The following SUMF1 variants were observed in gnomAD, a reference collection of about 807,000 sequenced individuals.
SUMF1 encodes the protein formylglycine-generating enzyme.
A neutral mutation model predicts 47.6 loss-of-function variants in SUMF1; 48 were observed. The ratio of observed to expected loss-of-function variants is 1.01; its 90% CI spans 0.80 to 1.28. SUMF1 has a LOEUF of 1.28. Among genes scored for constraint, SUMF1 ranks in the 50% most tolerant of loss-of-function variants. The pLI, the probability that SUMF1 is intolerant of heterozygous loss-of-function variation, is 0.00. For synonymous variants in SUMF1, 230 were observed against 192.1 expected (o/e 1.20, Z -1.63); for missense variants, 571 against 485.4 (o/e 1.18, Z -1.66).
chr3:4,238,059 C>A (rs1210713695), intron 8 of SUMF1, among the ~76,000 whole-genome samples: 1 of 151,926 alleles, frequency 6.6e-6, no homozygotes, highest in Non-Finnish European at 1.5e-5. Context: ...TGTTAGTTTG[C>A]TGAGAATGGT....
chr3:4,124,835 C>A (rs1359708690), intron 8 of SUMF1, among the ~76,000 whole-genome samples: 1 of 151,672 alleles, frequency 6.6e-6, no homozygotes, highest in African/African-American at 2.4e-5. Flanking sequence ...AAAATTTTTA[C>A]TGCTTGACCA....
intron 7 of SUMF1, among the ~76,000 whole-genome samples, chr3:4,394,156 T>C (rs912551747): frequency 1.2e-4 from 18 of 152,212 alleles, no homozygotes; most frequent in African/African-American, 4.3e-4. Context: ...GCTTTTACAG[T>C]CACATACTGA....
At chr3:4,088,702 C>T (rs1308049971) in intron 8 of SUMF1, among the ~76,000 whole-genome samples, 1 of 152,056 alleles carries the variant, frequency 6.6e-6, no homozygotes, top group African/African-American at 2.4e-5. Context: ...TAGGATGGAG[C>T]CTGACATATA....
At chr3:4,084,948 G>C (rs887701322) in intron 8 of SUMF1, among the ~76,000 whole-genome samples, 1 of 151,984 alleles carries the variant, frequency 6.6e-6, no homozygotes, top group Non-Finnish European at 1.5e-5. Flanking sequence ...GAATCTTCCA[G>C]TGACTACAAG....
intron 8 of SUMF1, among the ~76,000 whole-genome samples, chr3:4,208,579 G>A (rs182867442): frequency 5.1e-4 from 78 of 151,690 alleles, no homozygotes; most frequent in Non-Finnish European, 1.0e-3. Flanking sequence ...CAATTAATAT[G>A]CTAAGGTTAA....
At chr3:4,404,117 T>G (rs1186616861) in intron 7 of SUMF1, among the ~76,000 whole-genome samples, 2 of 152,188 alleles carry the variant, frequency 1.3e-5, no homozygotes, top group Non-Finnish European at 2.9e-5. Context: ...AACCATACAT[T>G]TGAGTTTATT....
chr3:4,131,276 A>G (rs1037870288), intron 8 of SUMF1, among the ~76,000 whole-genome samples: 2 of 152,186 alleles, frequency 1.3e-5, no homozygotes, highest in African/African-American at 4.8e-5. Flanking sequence ...CAAGTAAGTT[A>G]CATAAGGAAT....
rs906998979 is a variant in SUMF1, at chr3:4,467,028, T to A, written c.218A>T (p.Glu73Val). 3.2e-6 allele frequency: 5 copies of A among 1,584,852 alleles called. No individual in the cohort carries two copies. Among genetic ancestry groups the A allele is most frequent in the Non-Finnish European group, 4.3e-6 (5 of 1,167,294 alleles). ...SSAAAHRYSR[E>V]ANAPGPVPGE... ...GGGTACGGGGCCCGGAGCGTTAGCCTCCCGCGAGTATCGGTGAGCGGCTGC... is the reference window on the plus strand; with the variant it reads ...GGGTACGGGGCCCGGAGCGTTAGCCACCCGCGAGTATCGGTGAGCGGCTGC... Residue 73 changes from glutamate (E) to valine (V), a missense_variant, in exon 1 of 9, where the codon GAG becomes GTG. Physicochemically the swap from Glu to Val is moderately radical, Grantham distance 121. Coordinates refer to ENST00000272902, the MANE Select transcript of SUMF1 (RefSeq NM_182760.4).
At chr3:4,415,649 C>T (rs549740755) in intron 6 of SUMF1, among the ~76,000 whole-genome samples, 2 of 152,170 alleles carry the variant, frequency 1.3e-5, no homozygotes, top group African/African-American at 2.4e-5. Context: ...CCTGTCTCTA[C>T]TAAAAATACA....
intron 8 of SUMF1, among the ~76,000 whole-genome samples, chr3:4,270,034 C>T (rs1309772848): frequency 6.6e-6 from 1 of 152,118 alleles, no homozygotes; most frequent in African/African-American, 2.4e-5. Context: ...AGAAGTACTA[C>T]AAATAAGGTA....
intron 8 of SUMF1, among the ~76,000 whole-genome samples, chr3:4,077,287 C>A (rs1692460394): frequency 6.6e-6 from 1 of 151,976 alleles, no homozygotes; most frequent in Non-Finnish European, 1.5e-5. Context: ...ACCATTTGAC[C>A]CAGCAATCCC....
intron 8 of SUMF1, among the ~76,000 whole-genome samples, chr3:4,227,663 T>TCC (rs1358986799): frequency 6.6e-6 from 1 of 151,948 alleles, no homozygotes; most frequent in Non-Finnish European, 1.5e-5. Context: ...TTGCTCCTTT[T>TCC]CCCCCTGCTA....
rs773137504 is a variant in SUMF1 at position 4,235,445 on chromosome 3, C to G, written c.1014+140885G>C. Among the ~76,000 whole-genome samples, 28 of 151,928 alleles carry G rather than the reference C, an allele frequency of 1.8e-4. 1 individual carries two copies. Among genetic ancestry groups the G allele is most frequent in the Non-Finnish European group, 3.4e-4 (23 of 67,968 alleles). On this transcript the variant is annotated intron_variant and NMD_transcript_variant, in intron 8 of 12. Transcript: ENST00000448413. ...GTCACCAGCATATCAAAGGCAAAAT[C>G]AAGTAGGGAGAAAGTACTAAGAAGA...
Position 4,096,234 on chromosome 3 carries a change from G to A in SUMF1, c.1015-27489C>T, listed in dbSNP as rs112966577. Reference sequence around the variant, plus strand: ...AAAGCTGAGCATCACCAACTCAGTCGGTCATCATGCCTGAGAACTTCCAGT... The same window carrying A: ...AAAGCTGAGCATCACCAACTCAGTCAGTCATCATGCCTGAGAACTTCCAGT... On this transcript the variant is annotated intron_variant and NMD_transcript_variant, in intron 8 of 12. Coordinates refer to the SUMF1 transcript ENST00000448413. Among the ~76,000 whole-genome samples the A allele has an allele frequency of 1.1e-4, 16 of 152,168 alleles. No homozygotes were observed. The East Asian group carries it at 1.9e-3, about 18-fold the overall frequency.
intron 8 of SUMF1, among the ~76,000 whole-genome samples, chr3:4,337,313 C>T (rs1478375474): frequency 6.6e-6 from 1 of 151,606 alleles, no homozygotes; most frequent in Admixed American, 6.6e-5. Flanking sequence ...CTATCCATCA[C>T]CTCCATCACC....
chr3:4,460,718 C>T lies in SUMF1; in HGVS notation c.270+6258G>A, dbSNP rs145970978. 1.3e-3 allele frequency among the ~76,000 whole-genome samples: 201 copies of T among 151,536 alleles called. 1 individual carries two copies. Among genetic ancestry groups the T allele is most frequent in the African/African-American group, 4.7e-3 (193 of 41,284 alleles). On this transcript the variant is annotated intron_variant, in intron 1 of 8. Coordinates refer to ENST00000272902, the MANE Select transcript of SUMF1 (RefSeq NM_182760.4). ...GTCACCCCACGCTGGAGTGCAGAGG[C>T]GTGATCACAGCTCACAGCACCCTTG...
At chr3:4,183,016 G>C (rs182287988) in intron 8 of SUMF1, among the ~76,000 whole-genome samples, 10 of 152,260 alleles carry the variant, frequency 6.6e-5, no homozygotes, top group African/African-American at 2.2e-4. Context: ...TTTAATGTGT[G>C]ACCATATACT....
chr3:4,059,796 G>GAAA (rs35902458), intron 9 of SUMF1, among the ~76,000 whole-genome samples: 1 of 122,924 alleles, frequency 8.1e-6, no homozygotes, highest in Non-Finnish European at 1.7e-5. Flanking sequence ...TGTCCCTGTG[G>GAAA]AAAAAAAAAA....
At chr3:4,176,028 T>A (rs910666242) in intron 8 of SUMF1, among the ~76,000 whole-genome samples, 7 of 152,238 alleles carry the variant, frequency 4.6e-5, no homozygotes, top group African/African-American at 1.7e-4. Flanking sequence ...CCAAGAAATA[T>A]GGGACTATGT....
Sources: gnomAD v4.1 joint callset for allele counts (sites outside exome capture counted in the v4.1 genomes callset) on GRCh38, gnomAD v4.1.1 for gene constraint, MANE v1.5 for transcripts, NCBI Gene and HGNC (gene_info 2026-07-23, HGNC 2026-07-21) for gene names.